NLGN4Y: variants seen among roughly 807,000 people sequenced by gnomAD.
NLGN4Y encodes neuroligin 4 Y-linked.
Under a neutral mutation model 8.4 loss-of-function variants are expected in NLGN4Y, and 4 were observed. That is an observed-to-expected ratio of 0.48 (90% CI 0.23 to 1.09). The LOEUF is 1.09. Among genes scored for constraint, NLGN4Y ranks in the 50% least tolerant of loss-of-function variants. The probability of loss-of-function intolerance (pLI) is 0.19; values close to 1 mark genes in which losing one functional copy is unlikely to be tolerated. For synonymous variants in NLGN4Y, 35 were observed against 75.6 expected, an observed-to-expected ratio of 0.46 and a Z score of 2.78; for missense variants, 90 against 192.3, an observed-to-expected ratio of 0.47 and a Z score of 3.15.
At chrY:14,680,546 C>T in intron 2 of NLGN4Y, among the ~76,000 whole-genome samples, 1 of 33,230 alleles carries the variant, frequency 3.0e-5, no homozygotes, top group South Asian at 6.6e-4. Context: ...CCAATTATAT[C>T]CTTGGTATTA....
chrY:14,748,772 A>G, intron 4 of NLGN4Y: 1 of 142,780 alleles, frequency 7.0e-6, no homozygotes, highest in Non-Finnish European at 1.4e-5. Flanking sequence ...TGTCTCTGTT[A>G]TGGTTTCTGC....
At chrY:14,760,734 C>A in intron 4 of NLGN4Y, among the ~76,000 whole-genome samples, 1 of 32,938 alleles carries the variant, frequency 3.0e-5, no homozygotes, top group Non-Finnish European at 7.4e-5. Flanking sequence ...TTGACAAAGT[C>A]TACGTGTTGA....
At position 14,746,186 on chromosome Y, in the gene NLGN4Y, G is replaced by A. The variant is rs371601127; in HGVS notation, c.685+22917G>A. Among the ~76,000 whole-genome samples the A allele has an allele frequency of 5.3e-3, 174 of 33,118 alleles. No individual in the cohort carries two copies. In the South Asian group the frequency reaches 0.11, roughly 21 times the overall value. 88.9% of individuals were successfully genotyped at this position (33,118 alleles called of 37,273 possible). The stretch of plus-strand genomic sequence containing the variant: ...TATGTGCTTGAACTTTACTTTGGAG[G>A]CATCCTCTAATTCCAGGGGTTCTGT... On this transcript the variant is annotated intron_variant, in intron 4 of 6. Coordinates refer to ENST00000684976, the MANE Select transcript of NLGN4Y (RefSeq NM_001365588.1).
chrY:14,721,749 T>C (rs1020819417), intron 3 of NLGN4Y, among the ~76,000 whole-genome samples: 9 of 31,056 alleles, frequency 2.9e-4, no homozygotes, highest in South Asian at 7.7e-4. Context: ...TTTCTTTTAG[T>C]AACAAAGATA....
intron 2 of NLGN4Y, among the ~76,000 whole-genome samples, chrY:14,643,253 C>T (rs773919529): frequency 3.0e-5 from 1 of 33,329 alleles, no homozygotes; most frequent in South Asian, 6.6e-4. Context: ...AAGCAAAACT[C>T]ATTGATGTCC....
At chrY:14,650,213 A>G (rs1028765196) in intron 2 of NLGN4Y, among the ~76,000 whole-genome samples, 5 of 32,659 alleles carry the variant, frequency 1.5e-4, no homozygotes, top group Admixed American at 1.4e-3. Context: ...TAAGCCATAC[A>G]CAGTGGTGCA....
intron 2 of NLGN4Y, among the ~76,000 whole-genome samples, chrY:14,628,691 G>A (rs2080537918): frequency 2.9e-5 from 1 of 33,910 alleles, no homozygotes; most frequent in Non-Finnish European, 7.3e-5. Context: ...AATCGTTGCT[G>A]TTGTTACTAC....
chrY:14,648,459 T>TA (rs2080618335), intron 2 of NLGN4Y, among the ~76,000 whole-genome samples: 1 of 32,450 alleles, frequency 3.1e-5, no homozygotes, highest in Non-Finnish European at 7.6e-5. Context: ...TCTCAAGAAA[T>TA]AAAAAAATAA....
intron 1 of NLGN4Y, among the ~76,000 whole-genome samples, chrY:14,585,591 A>T (rs2080337123): frequency 3.0e-5 from 1 of 33,699 alleles, no homozygotes; most frequent in East Asian, 7.8e-4. Flanking sequence ...GAAAGTGAAG[A>T]GTGTGGCAGA....
chrY:14,757,019 C>G, intron 4 of NLGN4Y, among the ~76,000 whole-genome samples: 1 of 26,336 alleles, frequency 3.8e-5, no homozygotes, highest in South Asian at 8.6e-4. Context: ...ATTAGAATTC[C>G]TTGATCACCT....
chrY:14,590,167 C>G (rs2080364192), intron 1 of NLGN4Y, among the ~76,000 whole-genome samples: 1 of 34,343 alleles, frequency 2.9e-5, no homozygotes, highest in Admixed American at 2.5e-4. Context: ...ACTCCTCTCC[C>G]TCCACACCTC....
intron 2 of NLGN4Y, among the ~76,000 whole-genome samples, chrY:14,687,073 G>A (rs972038107): frequency 6.2e-5 from 2 of 32,061 alleles, no homozygotes; most frequent in Admixed American, 2.9e-4. Flanking sequence ...TAGGATCACA[G>A]ATATGAGCCA....
chrY:14,770,403 C>T (rs2081103958), intron 4 of NLGN4Y, among the ~76,000 whole-genome samples: 1 of 33,026 alleles, frequency 3.0e-5, no homozygotes, highest in Admixed American at 2.8e-4. Context: ...GTGATACCCA[C>T]GCAAACAGGG....
intron 1 of NLGN4Y, among the ~76,000 whole-genome samples, chrY:14,577,736 T>A (rs927042678): frequency 2.1e-4 from 7 of 33,986 alleles, no homozygotes; most frequent in Admixed American, 1.3e-3. Flanking sequence ...TAATTTATAC[T>A]CCCACCAGCA....
At chrY:14,589,862 G>A in intron 1 of NLGN4Y, among the ~76,000 whole-genome samples, 1 of 34,385 alleles carries the variant, frequency 2.9e-5, no homozygotes, top group African/African-American at 1.1e-4. Context: ...GGCTCGGGCC[G>A]CACAGGAGCC....
In NLGN4Y at chrY:14,707,091, GTATATATATATATATATATA is replaced by G. The variant is rs1460684278; in HGVS notation, c.473-12344_473-12325del. 3.1e-3 allele frequency among the ~76,000 whole-genome samples: 12 copies of G among 3,887 alleles called. No individual in the cohort carries two copies. In the South Asian group the frequency reaches 0.094, roughly 30 times the overall value. The allele number at this position is 3,887 out of a possible 37,273, so 10.4% of individuals were successfully genotyped here. On this transcript the variant is annotated intron_variant, in intron 2 of 6. Transcript: ENST00000684976. ...GGGCAATTAAAAGTCAATTTTATGT[GTATATATATATATATATATA>G]TATATATATATATATATATATATCT...
chrY:14,598,390 G>A (rs866804481), intron 1 of NLGN4Y, among the ~76,000 whole-genome samples: 54 of 33,877 alleles, frequency 1.6e-3, no homozygotes, highest in Admixed American at 3.1e-3. Context: ...AGCGCCGGTG[G>A]GCCAGCGCTG....
intron 1 of NLGN4Y, among the ~76,000 whole-genome samples, chrY:14,601,612 C>T: frequency 6.1e-5 from 2 of 32,552 alleles, no homozygotes; most frequent in African/African-American, 2.4e-4. Flanking sequence ...GTCAGAGCGT[C>T]TTGGTGGTGA....
intron 4 of NLGN4Y, among the ~76,000 whole-genome samples, chrY:14,755,894 C>T: frequency 3.0e-5 from 1 of 33,611 alleles, no homozygotes; most frequent in South Asian, 6.5e-4. Context: ...TCTTTACTCC[C>T]ACTTCTCCCA....
Sources: gnomAD v4.1 joint callset for allele counts (sites outside exome capture counted in the v4.1 genomes callset) on GRCh38, gnomAD v4.1.1 for gene constraint, MANE v1.5 for transcripts, NCBI Gene and HGNC (gene_info 2026-07-23, HGNC 2026-07-21) for gene names.